The following CAMK1D variants were observed in gnomAD, a reference collection of about 807,000 sequenced individuals.
The protein encoded by CAMK1D is calcium/calmodulin dependent protein kinase ID.
A neutral mutation model predicts 47.7 loss-of-function variants in CAMK1D; 9 were observed. The ratio of observed to expected loss-of-function variants is 0.19; its 90% CI spans 0.11 to 0.33. CAMK1D has a LOEUF of 0.33. CAMK1D is among the 10% of genes least tolerant of loss of function. The pLI is 1.00. For missense variants in CAMK1D, 291 were observed against 488.7 expected (o/e 0.60, Z 3.81); for synonymous variants, 184 against 184.9 (o/e 0.99, Z 0.04).
chr10:12,636,478 C>T (rs751770087), intron 2 of CAMK1D, among the ~76,000 whole-genome samples: 5 of 152,150 alleles, frequency 3.3e-5, no homozygotes, highest in Non-Finnish European at 5.9e-5. Flanking sequence ...CAGGTGTGTG[C>T]CACCACACCA....
At chr10:12,761,408 A>G (rs947879927) in intron 4 of CAMK1D, among the ~76,000 whole-genome samples, 1 of 152,196 alleles carries the variant, frequency 6.6e-6, no homozygotes, top group African/African-American at 2.4e-5. Context: ...CACGTAGGCT[A>G]CAGAAACCCT....
At chr10:12,458,742 A>G (rs953198557) in intron 1 of CAMK1D, among the ~76,000 whole-genome samples, 1 of 151,952 alleles carries the variant, frequency 6.6e-6, no homozygotes, top group Admixed American at 6.6e-5. Context: ...CCTTTGAACA[A>G]TATTTGCACC....
chr10:12,624,681 C>T (rs1017294671), intron 2 of CAMK1D, among the ~76,000 whole-genome samples: 33 of 152,326 alleles, frequency 2.2e-4, no homozygotes, highest in African/African-American at 6.3e-4. Flanking sequence ...CTGTGAACCT[C>T]CTTCCTTTCC....
At chr10:12,389,907 A>G (rs1197166019) in intron 1 of CAMK1D, among the ~76,000 whole-genome samples, 2 of 151,764 alleles carry the variant, frequency 1.3e-5, no homozygotes, top group East Asian at 3.9e-4. Flanking sequence ...AGGCACTTGT[A>G]GTAGAACATC....
intron 3 of CAMK1D, among the ~76,000 whole-genome samples, chr10:12,699,649 GA>G (rs368569893): frequency 0.014 from 2,018 of 143,754 alleles, 51 homozygotes; most frequent in South Asian, 0.14. Context: ...GCTGTAACTT[GA>G]AAAAAAAAAA....
rs111554087 is a variant in CAMK1D, at chr10:12,787,437, A to G, written c.566-3721A>G. ...GTTCTTTTAAAGAGTCCTCCCTCCC[A>G]CCATCCACGATGCTGGAGAACTGTG... On this transcript the variant is annotated intron_variant, in intron 5 of 10. Transcript: ENST00000619168. Among the ~76,000 whole-genome samples, 298 of 152,302 alleles carry G rather than the reference A, an allele frequency of 2.0e-3. 2 individuals are homozygous for G. The highest frequency in any genetic ancestry group is 6.7e-3 in the African/African-American group (278 of 41,574).
chr10:12,725,467 G>A (rs901155496), intron 3 of CAMK1D: 4 of 154,770 alleles, frequency 2.6e-5, no homozygotes, highest in African/African-American at 9.6e-5. Context: ...AGAGTAAAGT[G>A]CATTGTCAGC....
chr10:12,441,904 A>C (rs2132014037), intron 1 of CAMK1D, among the ~76,000 whole-genome samples: 1 of 152,354 alleles, frequency 6.6e-6, no homozygotes, highest in East Asian at 1.9e-4. Context: ...TAAAATCCCC[A>C]GATAAACTGA....
At chr10:12,608,123 A>G (rs1378849239) in intron 2 of CAMK1D, among the ~76,000 whole-genome samples, 1 of 151,924 alleles carries the variant, frequency 6.6e-6, no homozygotes, top group Admixed American at 6.6e-5. Flanking sequence ...CTATTAACAT[A>G]TTTACATGGT....
At chr10:12,731,879 G>A (rs149034652) in intron 3 of CAMK1D, among the ~76,000 whole-genome samples, 18 of 152,192 alleles carry the variant, frequency 1.2e-4, no homozygotes, top group African/African-American at 4.3e-4. Flanking sequence ...ATAATGACGA[G>A]GTCTAGGGCA....
intron 1 of CAMK1D, among the ~76,000 whole-genome samples, chr10:12,521,594 T>C (rs1277563998): frequency 1.3e-5 from 2 of 152,200 alleles, no homozygotes; most frequent in Non-Finnish European, 2.9e-5. Flanking sequence ...AGAGTGTAAA[T>C]TAGGTAAAAA....
intron 10 of CAMK1D, 103 bp from the exon 11 acceptor site, chr10:12,828,666 C>CCT (rs1833346427): frequency 1.2e-6 from 1 of 837,604 alleles, no homozygotes; most frequent in Middle Eastern, 3.6e-4. Context: ...TTGGGCCCCC[C>CCT]CGCCCCCCAC....
At chr10:12,704,511 C>A (rs1383499861) in intron 3 of CAMK1D, among the ~76,000 whole-genome samples, 6 of 150,128 alleles carry the variant, frequency 4.0e-5, no homozygotes, top group Non-Finnish European at 5.9e-5. Context: ...TGATAACATT[C>A]AAAAAGAAGA....
chr10:12,456,456 G>T (rs1003640278), intron 1 of CAMK1D: 1 of 152,144 alleles, frequency 6.6e-6, no homozygotes, highest in South Asian at 2.1e-4. Flanking sequence ...GGGGGATGCC[G>T]CATTGATTTA....
chr10:12,666,847 C>G, intron 3 of CAMK1D, 37 bp downstream of exon 3: 1 of 1,496,616 alleles, frequency 6.7e-7, no homozygotes, highest in South Asian at 1.1e-5. Context: ...TTTGAACCAA[C>G]TTGCAAACTC....
chr10:12,516,409 C>T (rs1835213391), intron 1 of CAMK1D, among the ~76,000 whole-genome samples: 1 of 152,146 alleles, frequency 6.6e-6, no homozygotes, highest in Admixed American at 6.5e-5. Context: ...GCCCAGCCTC[C>T]AGTTTTAATG....
chr10:12,575,563 G>A (rs1042085495), intron 2 of CAMK1D, among the ~76,000 whole-genome samples: 4 of 152,220 alleles, frequency 2.6e-5, no homozygotes, highest in Non-Finnish European at 5.9e-5. Flanking sequence ...GGTCTCCAAA[G>A]TGGGTAGACA....
chr10:12,681,031 G>T (rs925663505), intron 3 of CAMK1D, among the ~76,000 whole-genome samples: 3 of 151,994 alleles, frequency 2.0e-5, no homozygotes, highest in Non-Finnish European at 4.4e-5. Flanking sequence ...ATAGATTTCA[G>T]CTCCTTCCCC....
intron 1 of CAMK1D, among the ~76,000 whole-genome samples, chr10:12,403,632 T>C (rs1839310328): frequency 2.0e-5 from 3 of 152,206 alleles, no homozygotes; most frequent in South Asian, 4.1e-4. Context: ...GCGTGCACCA[T>C]AGAATTCCTG....
Sources: allele counts gnomAD v4.1 joint callset (sites outside exome capture counted in the v4.1 genomes callset), GRCh38; gene constraint gnomAD v4.1.1; transcripts MANE v1.5; gene names NCBI Gene and HGNC (gene_info 2026-07-23, HGNC 2026-07-21).